Variants in CARF observed in about 807,000 individuals in gnomAD.
The protein encoded by CARF is calcium-responsive transcription factor.
Under a neutral mutation model 82.0 loss-of-function variants are expected in CARF, and 57 were observed. The ratio of observed to expected loss-of-function variants is 0.70; its 90% CI spans 0.56 to 0.87. CARF has a LOEUF of 0.87. Among genes scored for constraint, CARF ranks in the 40% least tolerant of loss-of-function variants. The pLI is 0.00. For synonymous variants in CARF, 268 were observed against 290.1 expected (o/e 0.92, Z 0.77); for missense variants, 771 against 855.8 (o/e 0.90, Z 1.24).
chr2:202,925,033 G>T, intron 3 of CARF: 2 of 407,772 alleles, frequency 4.9e-6, no homozygotes. Context: ...GCAAAAAGTA[G>T]CTTGGAGCAA....
At position 202,984,605 on chromosome 2, in the gene CARF, T is replaced by C. The variant is rs145829736; in HGVS notation, c.*981T>C. 754 of 152,338 alleles carry C rather than the reference T, an allele frequency of 4.9e-3. 7 individuals carry two copies. Among genetic ancestry groups the C allele is most frequent in the African/African-American group, 0.017 (717 of 41,574 alleles). The allele number at this position is 152,338 out of a possible 1,614,324, so 9.4% of individuals were successfully genotyped here. On this transcript the variant is annotated 3_prime_UTR_variant, in exon 17 of 17. Transcript: ENST00000438828. ...TTACTGAATTGATGATATTAGGATTTCTAGTATTTTAAGGTAAGTATTTAT... is the reference window on the plus strand; with the variant it reads ...TTACTGAATTGATGATATTAGGATTCCTAGTATTTTAAGGTAAGTATTTAT...
Position 202,982,380 on chromosome 2 carries a change from G to C in CARF, c.1998G>C (p.Arg666=), listed in dbSNP as rs1403429225. 1 of 1,614,126 alleles carries C rather than the reference G, an allele frequency of 6.2e-7. No homozygotes were observed. Among genetic ancestry groups the C allele is most frequent in the Non-Finnish European group, 8.5e-7 (1 of 1,179,992 alleles). The part of the protein sequence containing the change: ...DTGNLEGTVH[R]ILLGDVQTIP... ...GGAATCTGGAAGGAACTGTTCATCG[G>C]ATTCTGTTGGGAGATGTGCAGACTA... Residue 666 remains arginine, a synonymous_variant, in exon 16 of 17, where the codon CGG becomes CGC. Coordinates refer to ENST00000438828, the MANE Select transcript of CARF (RefSeq NM_024744.17).
intron 7 of CARF, 50 bp downstream of exon 7, chr2:202,954,184 C>A (rs2058916952): frequency 6.3e-7 from 1 of 1,579,910 alleles, no homozygotes; most frequent in Non-Finnish European, 8.6e-7. Flanking sequence ...CCATGGAAAT[C>A]TTTTTACAAA....
intron 8 of CARF, among the ~76,000 whole-genome samples, chr2:202,960,606 C>A (rs2105880456): frequency 6.6e-6 from 1 of 152,252 alleles, no homozygotes; most frequent in Non-Finnish European, 1.5e-5. Context: ...TTTTCTACAG[C>A]CTTTTTATCA....
intron 1 of CARF, among the ~76,000 whole-genome samples, chr2:202,913,892 A>C (rs1435946596): frequency 1.3e-5 from 2 of 152,246 alleles, no homozygotes; most frequent in Non-Finnish European, 2.9e-5. Context: ...AATAACCTGA[A>C]TATATGCTTA....
chr2:202,970,964 G>C (rs2059767956), intron 11 of CARF, among the ~76,000 whole-genome samples: 2 of 151,184 alleles, frequency 1.3e-5, no homozygotes, highest in Non-Finnish European at 2.9e-5. Context: ...GAGGCAGTAT[G>C]TTGAGCTCCT....
intron 5 of CARF, among the ~76,000 whole-genome samples, chr2:202,945,668 T>C (rs973158384): frequency 1.3e-5 from 2 of 152,242 alleles, no homozygotes; most frequent in African/African-American, 2.4e-5. Flanking sequence ...CTGCATAGTA[T>C]TCCGTGGTGT....
At chr2:202,932,645 G>C (rs1693144486) in intron 3 of CARF, among the ~76,000 whole-genome samples, 1 of 152,104 alleles carries the variant, frequency 6.6e-6, no homozygotes, top group Non-Finnish European at 1.5e-5. Flanking sequence ...TGTGAGGCCA[G>C]TTGCAGCAGC....
intron 3 of CARF, among the ~76,000 whole-genome samples, chr2:202,940,759 G>C (rs1245294154): frequency 6.6e-6 from 1 of 151,948 alleles, no homozygotes; most frequent in Non-Finnish European, 1.5e-5. Context: ...AACTACCCTT[G>C]GGGAAAGTTT....
At chr2:202,981,518 TA>T (rs1372300122) in intron 14 of CARF, 36 bp from the exon 15 acceptor site, 3 of 1,384,972 alleles carry the variant, frequency 2.2e-6, no homozygotes, top group South Asian at 1.4e-5. Flanking sequence ...ATAGAAGCCA[TA>T]AAAATTATTT....
At chr2:202,967,922 A>G (rs890017020) in intron 10 of CARF, among the ~76,000 whole-genome samples, 1 of 152,252 alleles carries the variant, frequency 6.6e-6, no homozygotes, top group Non-Finnish European at 1.5e-5. Flanking sequence ...ATGTGAACCA[A>G]TGAAAGATTT....
In CARF at chr2:202,961,299, A is replaced by C. The variant is rs748233756; in HGVS notation, c.705A>C (p.Thr235=). The change falls in exon 9 of 17, where the codon ACA becomes ACC. Residue 235 remains threonine (T), a synonymous_variant. Coordinates refer to ENST00000438828, the MANE Select transcript of CARF (RefSeq NM_024744.17). ...AGACTGAATTAGAAAGTGTCCTAAC[A>C]TTTCACAAGCAGCAAACACAGAGTG... ...VSETELESVL[T]FHKQQTQSVW... 7 of 1,614,080 alleles carry C rather than the reference A, an allele frequency of 4.3e-6. No individual in the cohort carries two copies. The African/African-American group carries it at 9.3e-5, about 22-fold the overall frequency.
chr2:202,958,761 C>T (rs749508921), intron 8 of CARF, among the ~76,000 whole-genome samples: 5 of 152,056 alleles, frequency 3.3e-5, no homozygotes, highest in Non-Finnish European at 7.4e-5. Flanking sequence ...AAAAATTAAT[C>T]TGGCATGGTG....
chr2:202,980,334 A>G (rs1356542778), intron 14 of CARF, among the ~76,000 whole-genome samples: 3 of 152,216 alleles, frequency 2.0e-5, no homozygotes, highest in East Asian at 1.9e-4. Context: ...GAATGATTCA[A>G]ATTCCCTACA....
chr2:202,913,435 T>C (rs948511159), intron 1 of CARF, among the ~76,000 whole-genome samples: 2 of 152,226 alleles, frequency 1.3e-5, no homozygotes, highest in African/African-American at 4.8e-5. Flanking sequence ...GCACTCAGTA[T>C]ATGTTAATTA....
chr2:202,969,751 T>G (rs2059708591), intron 10 of CARF, among the ~76,000 whole-genome samples, 168 bp from the exon 11 acceptor site: 1 of 152,144 alleles, frequency 6.6e-6, no homozygotes, highest in African/African-American at 2.4e-5. Flanking sequence ...TGCTAAGTAT[T>G]AATACAACTG....
chr2:202,954,488 G>A (rs2058934267), intron 7 of CARF, among the ~76,000 whole-genome samples: 1 of 152,146 alleles, frequency 6.6e-6, no homozygotes, highest in Admixed American at 6.6e-5. Context: ...GACAAGGCAG[G>A]TAGATCACGA....
In CARF at chr2:202,940,023, C is replaced by CTTTG. The variant is rs566558494; in HGVS notation, c.-43-1813_-43-1810dup. On this transcript the variant is annotated intron_variant, in intron 3 of 16. Coordinates refer to ENST00000438828, the MANE Select transcript of CARF (RefSeq NM_024744.17). The stretch of plus-strand genomic sequence containing the variant: ...TAGTTTCAGCAGTTTTTCATTGTTT[C>CTTTG]TTTGTTTGTTTGTTTGTTTGTTTGT... 2.7e-3 allele frequency among the ~76,000 whole-genome samples: 410 copies of CTTTG among 151,174 alleles called. 1 individual carries two copies. The highest frequency in any genetic ancestry group is 3.4e-3 in the Non-Finnish European group (230 of 67,754).
intron 5 of CARF, among the ~76,000 whole-genome samples, chr2:202,946,016 G>C (rs2058479056): frequency 6.6e-6 from 1 of 152,148 alleles, no homozygotes; most frequent in African/African-American, 2.4e-5. Flanking sequence ...TGACTGGTGT[G>C]AGATAGTATC....
Sources: allele counts gnomAD v4.1 joint callset (sites outside exome capture counted in the v4.1 genomes callset), GRCh38; gene constraint gnomAD v4.1.1; transcripts MANE v1.5; gene names NCBI Gene and HGNC (gene_info 2026-07-23, HGNC 2026-07-21).